Variants in VPS53 observed in about 807,000 individuals in gnomAD.
The protein encoded by VPS53 is vacuolar protein sorting-associated protein 53 homolog.
VPS53 carries 70 observed loss-of-function variants against 107.0 expected under a neutral mutation model. The ratio of observed to expected loss-of-function variants is 0.65; its 90% CI spans 0.54 to 0.80. The LOEUF (loss-of-function observed/expected upper bound fraction) is 0.80, where lower values mean the gene tolerates loss of function less well. VPS53 is among the 30% of genes least tolerant of loss of function. The pLI is 0.00. For synonymous variants in VPS53, 409 were observed against 393.3 expected (o/e 1.04, Z -0.47); for missense variants, 917 against 1,049.4 (o/e 0.87, Z 1.74).
chr17:679,281 C>T (rs1386257534), intron 4 of VPS53, among the ~76,000 whole-genome samples: 2 of 151,822 alleles, frequency 1.3e-5, no homozygotes, highest in Non-Finnish European at 2.9e-5. Flanking sequence ...ATTGGGAGGC[C>T]GAGGCGCGCA....
intron 13 of VPS53, among the ~76,000 whole-genome samples, chr17:578,269 G>A (rs1233141170): frequency 2.0e-5 from 3 of 149,162 alleles, no homozygotes; most frequent in Admixed American, 6.7e-5. Flanking sequence ...AATTTAATGC[G>A]TTCCCAGAGA....
chr17:655,977 A>C (rs1310345867), intron 5 of VPS53, 24 bp from the exon 6 acceptor site: 1 of 1,595,236 alleles, frequency 6.3e-7, no homozygotes, highest in Non-Finnish European at 8.6e-7. Context: ...AACCACAAGA[A>C]AGAAAGGAAG....
At chr17:528,659 C>T (rs761214822) in intron 19 of VPS53, among the ~76,000 whole-genome samples, 9 of 142,906 alleles carry the variant, frequency 6.3e-5, no homozygotes, top group African/African-American at 7.9e-5. Context: ...GGTACAGTGG[C>T]GCAATCTTGG....
At chr17:625,874 C>CT (rs978975586) in intron 10 of VPS53, among the ~76,000 whole-genome samples, 1 of 151,926 alleles carries the variant, frequency 6.6e-6, no homozygotes, top group Non-Finnish European at 1.5e-5. Context: ...TAGATATGGG[C>CT]TTTTTTTTCT....
chr17:601,907 G>T lies in VPS53; in HGVS notation c.1117-11C>A, dbSNP rs748161839. On this transcript the variant is annotated splice_polypyrimidine_tract_variant and intron_variant, in intron 11 of 21. Coordinates refer to ENST00000437048, the MANE Select transcript of VPS53 (RefSeq NM_001128159.3). ...AGACTCAAGCTTTTTCTGTTAGGTA[G>T]ATATGAGAAAGAGAAGTGTTTTCTG... 13 of 1,560,076 alleles carry T rather than the reference G, an allele frequency of 8.3e-6. No homozygotes were observed. Among genetic ancestry groups the T allele is most frequent in the Non-Finnish European group, 1.0e-5 (12 of 1,150,400 alleles).
chr17:516,157 G>A lies in VPS53; in HGVS notation c.*2971C>T, dbSNP rs567492586. 2.0e-5 allele frequency: 3 copies of A among 152,018 alleles called. No homozygotes were observed. Among genetic ancestry groups the A allele is most frequent in the Non-Finnish European group, 4.4e-5 (3 of 67,992 alleles). 9.4% of individuals were successfully genotyped at this position (152,018 alleles called of 1,614,324 possible). A position where few individuals can be genotyped will look rare whatever the true frequency, so the allele number is the denominator to read the frequency against. On this transcript the variant is annotated 3_prime_UTR_variant, in exon 22 of 22. Coordinates refer to ENST00000437048, the MANE Select transcript of VPS53 (RefSeq NM_001128159.3). ...TCAGTAGAGAATCTTCACCACGTTG[G>A]CACCAGCTCAAGTGTAGTGTCGGCG...
intron 7 of VPS53, among the ~76,000 whole-genome samples, chr17:643,038 C>G (rs1349961497): frequency 1.5e-5 from 2 of 131,136 alleles, no homozygotes; most frequent in Non-Finnish European, 3.6e-5. Flanking sequence ...GAGGACAACA[C>G]TCATACTTGG....
chr17:558,767 C>A (rs1271155381), intron 15 of VPS53, among the ~76,000 whole-genome samples: 1 of 150,502 alleles, frequency 6.6e-6, no homozygotes, highest in Admixed American at 6.6e-5. Context: ...AGGTGGATCA[C>A]AAGGTCAAGA....
rs1055354689 is a variant in VPS53 at position 527,280 on chromosome 17, C to T, written c.2086-5542G>A. On this transcript the variant is annotated intron_variant, in intron 19 of 21. Transcript: ENST00000437048. ...TGCTCATAAACCTGCTCTGAACATTCGTCTCTCCTACTCTCTCTCACTGTA... is the reference window on the plus strand; with the variant it reads ...TGCTCATAAACCTGCTCTGAACATTTGTCTCTCCTACTCTCTCTCACTGTA... Among the ~76,000 whole-genome samples the T allele has an allele frequency of 6.6e-5, 10 of 152,118 alleles. No individual in the cohort carries two copies. The East Asian group carries it at 1.4e-3, about 21-fold the overall frequency.
intron 7 of VPS53, among the ~76,000 whole-genome samples, chr17:643,544 AACCGAGGACAAC>A (rs1970543188): frequency 3.8e-5 from 2 of 52,754 alleles, no homozygotes; most frequent in Non-Finnish European, 8.3e-5. Context: ...CATACTTGGA[AACCGAGGACAAC>A]ACTCATACTT....
chr17:554,685 A>G (rs537892472), intron 15 of VPS53, among the ~76,000 whole-genome samples: 2 of 152,316 alleles, frequency 1.3e-5, no homozygotes, highest in Non-Finnish European at 2.9e-5. Flanking sequence ...AGCTGGGACT[A>G]CAGCTGGGAT....
Position 519,738 on chromosome 17 carries a change from C to T in VPS53, c.2328+88G>A. ...CAGGCACATGCATTTTGAGAAAGCC[C>T]CCCCGGAACTTATATCCCAATTCCC... On this transcript the variant is annotated intron_variant, in intron 21 of 21. Coordinates refer to ENST00000437048, the MANE Select transcript of VPS53 (RefSeq NM_001128159.3). This position sits in a 1 kb window ranked among gnomAD's most constrained non-coding sequence, Gnocchi z 5.0. 2.0e-6 allele frequency: 2 copies of T among 993,382 alleles called. No homozygotes were observed. The highest frequency in any genetic ancestry group is 3.0e-5 in the South Asian group (2 of 67,280). 61.5% of individuals were successfully genotyped at this position (993,382 alleles called of 1,614,324 possible). A position where few individuals can be genotyped will look rare whatever the true frequency, so the allele number is the denominator to read the frequency against.
At chr17:602,641 T>C (rs915679236) in intron 11 of VPS53, among the ~76,000 whole-genome samples, 6 of 152,202 alleles carry the variant, frequency 3.9e-5, no homozygotes, top group Middle Eastern at 3.2e-3. Flanking sequence ...GCACTGGCCC[T>C]ATCACCCAGC....
intron 4 of VPS53, among the ~76,000 whole-genome samples, chr17:671,253 A>AG (rs1971931220): frequency 6.6e-6 from 1 of 151,534 alleles, no homozygotes; most frequent in African/African-American, 2.4e-5. Context: ...AGAAGAAAGG[A>AG]AAAGGAAAAG....
chr17:531,501 G>T (rs1018316976), intron 19 of VPS53, among the ~76,000 whole-genome samples: 1 of 151,944 alleles, frequency 6.6e-6, no homozygotes, highest in Non-Finnish European at 1.5e-5. Context: ...ATCATTAAAA[G>T]ACTCTTTTTT....
At chr17:605,596 A>G (rs34766416) in intron 11 of VPS53, among the ~76,000 whole-genome samples, 12,776 of 67,542 alleles carry the variant, frequency 0.19, 3,049 homozygotes, top group Non-Finnish European at 0.3. Context: ...GGACGGAAAC[A>G]AAGATGGGGG....
At chr17:694,322 C>T (rs1277474216) in intron 4 of VPS53, among the ~76,000 whole-genome samples, 5 of 152,140 alleles carry the variant, frequency 3.3e-5, no homozygotes, top group Non-Finnish European at 4.4e-5. Flanking sequence ...TGGGGGAGAA[C>T]GCCGACATTC....
chr17:631,539 CAAAGCA>C lies in VPS53; in HGVS notation c.687+5_687+10del. ...ATCATCTCTAAAGACTGGGGAAACG[CAAAGCA>C]GTACCTTGGTGCCCTGGGAAGGAAA... is the stretch of plus-strand genomic sequence containing the variant. On this transcript the variant is annotated splice_donor_5th_base_variant and intron_variant, in intron 8 of 21. Transcript: ENST00000437048. The C allele has an allele frequency of 1.2e-6, 2 of 1,613,814 alleles. No individual in the cohort carries two copies. The highest frequency in any genetic ancestry group is 1.7e-6 in the Non-Finnish European group (2 of 1,179,846).
At chr17:569,928 C>A (rs1350626256) in intron 13 of VPS53, among the ~76,000 whole-genome samples, 1 of 150,412 alleles carries the variant, frequency 6.6e-6, no homozygotes, top group East Asian at 2.0e-4. Context: ...GAAGAAAAAT[C>A]ATCATTGTCA....
Sources: gnomAD v4.1 joint callset for allele counts (sites outside exome capture counted in the v4.1 genomes callset) on GRCh38, gnomAD v4.1.1 for gene constraint, Gnocchi (gnomAD v3.1) non-coding constraint, MANE v1.5 for transcripts, NCBI Gene and HGNC (gene_info 2026-07-23, HGNC 2026-07-21) for gene names.